ANXA5: variants seen among roughly 807,000 people sequenced by gnomAD.
ANXA5 encodes the protein CBP-I.
Under a neutral mutation model 48.1 loss-of-function variants are expected in ANXA5, and 40 were observed. The ratio of observed to expected loss-of-function variants is 0.83; its 90% CI spans 0.65 to 1.08. ANXA5 has a LOEUF of 1.08. Ranked by LOEUF, ANXA5 falls within the 50% of genes least tolerant of loss-of-function variation. The pLI, the probability that ANXA5 is intolerant of heterozygous loss-of-function variation, is 0.00. For synonymous variants in ANXA5, 113 were observed against 129.1 expected (o/e 0.88, Z 0.85); for missense variants, 357 against 376.8 (o/e 0.95, Z 0.44).
At chr4:121,695,406 T>C (rs912234855) in intron 2 of ANXA5, among the ~76,000 whole-genome samples, 12 of 152,112 alleles carry the variant, frequency 7.9e-5, no homozygotes, top group African/African-American at 2.7e-4. Context: ...TGATAAAAAG[T>C]GAACTATAAA....
chr4:121,670,309 C>T (rs1724592801), intron 10 of ANXA5, among the ~76,000 whole-genome samples: 1 of 152,186 alleles, frequency 6.6e-6, no homozygotes, highest in African/African-American at 2.4e-5. Context: ...GCAGTTTGGG[C>T]AGCCTGGATT....
intron 2 of ANXA5, among the ~76,000 whole-genome samples, chr4:121,689,175 A>C (rs774539686): frequency 1.3e-5 from 2 of 152,246 alleles, no homozygotes; most frequent in Non-Finnish European, 2.9e-5. Flanking sequence ...TCTTTCTCTC[A>C]GATCAAGTTA....
intron 2 of ANXA5, among the ~76,000 whole-genome samples, chr4:121,694,747 A>C (rs1034229856): frequency 1.3e-5 from 2 of 152,246 alleles, no homozygotes; most frequent in African/African-American, 4.8e-5. Context: ...CAAAACTAGA[A>C]CAAAATTTAA....
chr4:121,669,387 A>T, intron 12 of ANXA5: 1 of 558,240 alleles, frequency 1.8e-6, no homozygotes, highest in Non-Finnish European at 3.1e-6. Flanking sequence ...TGAGTTCACC[A>T]AGAGCCTCAG....
chr4:121,668,500 C>T lies in ANXA5; in HGVS notation c.931G>A (p.Ala311Thr). 1 of 1,613,480 alleles carries T rather than the reference C, an allele frequency of 6.2e-7. No homozygotes were observed. The highest frequency in any genetic ancestry group is 8.5e-7 in the Non-Finnish European group (1 of 1,179,568). ...TCTTCTCCACAGAGCAGCAGAAGAG[C>T]TTTCTTATAGTCCCCAGATGTATCT... ...KGDTSGDYKK[A>T]LLLLCGEDD Residue 311 changes from alanine (A) to threonine (T), a missense_variant, in exon 13 of 13, where the codon GCT becomes ACT. Physicochemically the swap from Ala to Thr is moderately conservative, Grantham distance 58. Coordinates refer to ENST00000296511, the MANE Select transcript of ANXA5 (RefSeq NM_001154.4).
In ANXA5 at chr4:121,694,374, G is replaced by A. The variant is rs9995406; in HGVS notation, c.9+2207C>T. On this transcript the variant is annotated intron_variant, in intron 2 of 12. Coordinates refer to ENST00000296511, the MANE Select transcript of ANXA5 (RefSeq NM_001154.4). ...ATGACATTCTTACTGCTCAGACGCC[G>A]CACCCAACTTTAATACTAAACTTTT... Among the ~76,000 whole-genome samples, 472 of 152,042 alleles carry A rather than the reference G, an allele frequency of 3.1e-3. 3 individuals carry two copies. The highest frequency in any genetic ancestry group is 0.01 in the African/African-American group (429 of 41,486).
At chr4:121,688,691 C>T (rs939336359) in intron 2 of ANXA5, among the ~76,000 whole-genome samples, 11 of 152,172 alleles carry the variant, frequency 7.2e-5, no homozygotes, top group African/African-American at 1.7e-4. Context: ...AAGCCCCACA[C>T]GACCTTAACT....
rs1473266284 is a variant in ANXA5 at position 121,691,382 on chromosome 4, C to G, written c.10-5010G>C. On this transcript the variant is annotated intron_variant, in intron 2 of 12. Transcript: ENST00000296511. ...AAGGGAAGGGTAGCTTTTCTAGACA[C>G]AGAACTTAGACATAAATAACAATTT... 2.6e-5 allele frequency among the ~76,000 whole-genome samples: 4 copies of G among 151,858 alleles called. No individual in the cohort carries two copies. The East Asian group carries it at 7.7e-4, about 29-fold the overall frequency.
At chr4:121,674,523 CT>C (rs2110480914) in intron 8 of ANXA5, among the ~76,000 whole-genome samples, 1 of 152,240 alleles carries the variant, frequency 6.6e-6, no homozygotes, top group East Asian at 1.9e-4. Context: ...GCACACACTT[CT>C]TATCAACTGT....
intron 8 of ANXA5, among the ~76,000 whole-genome samples, chr4:121,673,332 A>G (rs570204214): frequency 3.5e-4 from 53 of 152,340 alleles, no homozygotes; most frequent in African/African-American, 1.3e-3. Context: ...TTAACTCTGA[A>G]TCCACTTATT....
At chr4:121,679,821 G>A (rs1182695123) in intron 6 of ANXA5, among the ~76,000 whole-genome samples, 1 of 152,114 alleles carries the variant, frequency 6.6e-6, no homozygotes, top group Non-Finnish European at 1.5e-5. Flanking sequence ...TGTACGTTGT[G>A]AAATGATTAC....
At chr4:121,680,708 C>G (rs1022210733) in intron 6 of ANXA5, among the ~76,000 whole-genome samples, 2 of 152,146 alleles carry the variant, frequency 1.3e-5, no homozygotes, top group African/African-American at 2.4e-5. Flanking sequence ...CTCTCATCAA[C>G]GTCAACATCC....
intron 5 of ANXA5, 35 bp downstream of exon 5, chr4:121,683,329 T>C (rs531350074): frequency 1.6e-6 from 2 of 1,256,398 alleles, no homozygotes; most frequent in African/African-American, 1.5e-5. Context: ...TAATACTATC[T>C]ATGCAAGAAT....
chr4:121,672,734 T>C (rs978642161), intron 8 of ANXA5, 108 bp from the exon 9 acceptor site: 1 of 762,212 alleles, frequency 1.3e-6, no homozygotes, highest in Non-Finnish European at 2.2e-6. Context: ...TGATTCATCA[T>C]CTTGTATTAA....
At chr4:121,673,308 T>C (rs1724642421) in intron 8 of ANXA5, among the ~76,000 whole-genome samples, 1 of 152,234 alleles carries the variant, frequency 6.6e-6, no homozygotes, top group South Asian at 2.1e-4. Flanking sequence ...TAAGCTTATA[T>C]ACAAACATCA....
chr4:121,673,320 C>T (rs918771839), intron 8 of ANXA5, among the ~76,000 whole-genome samples: 3 of 152,180 alleles, frequency 2.0e-5, no homozygotes, highest in Non-Finnish European at 2.9e-5. Context: ...CAAACATCAA[C>T]GTTAACTCTG....
intron 5 of ANXA5, 143 bp from the exon 6 acceptor site, chr4:121,681,904 T>C (rs1205482690): frequency 1.8e-6 from 1 of 571,248 alleles, no homozygotes; most frequent in South Asian, 2.5e-5. Flanking sequence ...ATGAGTTCTA[T>C]TAGTTATAGA....
intron 2 of ANXA5, among the ~76,000 whole-genome samples, chr4:121,695,002 T>C (rs1034608040): frequency 5.3e-5 from 8 of 152,296 alleles, no homozygotes; most frequent in African/African-American, 1.7e-4. Context: ...GGGTAAACAG[T>C]CTACATAATG....
rs1220082559 is a variant in ANXA5, at chr4:121,696,861, A to G, written c.-36+2T>C. The G allele has an allele frequency of 9.0e-6, 3 of 334,048 alleles. No individual in the cohort carries two copies. The highest frequency in any genetic ancestry group is 1.6e-5 in the Non-Finnish European group (3 of 184,830). 20.7% of individuals were successfully genotyped at this position (334,048 alleles called of 1,614,324 possible). On this transcript the variant is annotated splice_donor_variant, in intron 1 of 12. Coordinates refer to ENST00000296511, the MANE Select transcript of ANXA5 (RefSeq NM_001154.4). LOFTEE classifies it low-confidence loss of function (5UTR_SPLICE). ...CCCCCTCCCCGGGCTGCGACCACTC[A>G]CCCAGACTGTGGGACCCAAGTGCCC... is the stretch of plus-strand genomic sequence containing the variant.
Sources: gnomAD v4.1 joint callset for allele counts (sites outside exome capture counted in the v4.1 genomes callset) on GRCh38, gnomAD v4.1.1 for gene constraint, MANE v1.5 for transcripts, NCBI Gene and HGNC (gene_info 2026-07-23, HGNC 2026-07-21) for gene names.